Variants in EIF2S3B observed in about 807,000 individuals in gnomAD.
EIF2S3B encodes the protein eukaryotic translation initiation factor 2 subunit 3B.
In EIF2S3B, 16 loss-of-function variants were observed where a neutral mutation model predicts 26.4. The ratio of observed to expected loss-of-function variants is 0.61; its 90% CI spans 0.41 to 0.92. EIF2S3B has a LOEUF of 0.92. Among genes scored for constraint, EIF2S3B ranks in the 40% least tolerant of loss-of-function variants. The pLI is 0.00. For missense variants in EIF2S3B, 510 were observed against 575.5 expected (o/e 0.89, Z 1.16); for synonymous variants, 183 against 204.4 (o/e 0.90, Z 0.89).
At chr12:10,510,748 C>T (rs1034411722), downstream of EIF2S3B, among the ~76,000 whole-genome samples, 4 of 152,164 alleles carry the variant, frequency 2.6e-5, no homozygotes, top group African/African-American at 7.2e-5. Context: ...CTGACAGACC[C>T]AAGGCCACTG....
At position 10,506,797 on chromosome 12, in the gene EIF2S3B, G is replaced by A; in HGVS notation, c.895G>A (p.Gly299Ser). Residue 299 changes from glycine to serine, a missense_variant, in exon 1 of 1, where the codon GGT (glycine) becomes AGT (serine). Gly to Ser is a moderately conservative substitution (Grantham distance 56). Transcript: ENST00000538173. ...GGGCCAGGAGACAGAAGTAAGACCT[G>A]GTATTGTTTCCAAAGATAGTGAAGG... Reference protein sequence around the residue: ...KVGQETEVRPGIVSKDSEGKL... With the variant: ...KVGQETEVRPSIVSKDSEGKL... 6.2e-7 allele frequency: 1 copy of A among 1,613,542 alleles called. No individual in the cohort carries two copies. The highest frequency in any genetic ancestry group is 8.5e-7 in the Non-Finnish European group (1 of 1,179,510).
downstream of EIF2S3B, among the ~76,000 whole-genome samples, chr12:10,510,720 T>C (rs1185031936): frequency 6.6e-6 from 1 of 152,286 alleles, no homozygotes. Context: ...GGAAAAATAC[T>C]GTTGAGCCAG....
chr12:10,506,965 G>A lies in EIF2S3B; in HGVS notation c.1063G>A (p.Gly355Arg). 6.2e-7 allele frequency: 1 copy of A among 1,613,804 alleles called. No individual in the cohort carries two copies. Among genetic ancestry groups the A allele is most frequent in the Non-Finnish European group, 8.5e-7 (1 of 1,179,740 alleles). Residue 355 changes from glycine (G) to arginine (R), a missense_variant, in exon 1 of 1, where the codon GGG (glycine) becomes AGG (arginine). Physicochemically the swap from Gly to Arg is moderately radical, Grantham distance 125. Coordinates refer to ENST00000538173, the MANE Select transcript of EIF2S3B (RefSeq NM_001357734.3). ...PTLCRADRMV[G>R]QILGAVGALP... The stretch of plus-strand genomic sequence containing the variant: ...TTTGTGCCGGGCTGACAGAATGGTG[G>A]GGCAAATACTTGGTGCAGTCGGAGC...
At position 10,506,107 on chromosome 12, in the gene EIF2S3B, T is replaced by C. The variant is rs777442912; in HGVS notation, c.205T>C (p.Phe69Leu). Residue 69 changes from phenylalanine (F) to leucine (L), a missense_variant, in exon 1 of 1, where the codon TTC becomes CTC. Transcript: ENST00000538173. ...TATTTCTGGAGTTCACACCGTCAGG[T>C]TCAAAAATGAACTAGAAAGAAATAT... ...KAISGVHTVR[F>L]KNELERNITI... The C allele has an allele frequency of 6.3e-7, 1 of 1,592,430 alleles. No individual in the cohort carries two copies.
Position 10,507,974 on chromosome 12 carries a change from T to G in EIF2S3B, c.*653T>G, listed in dbSNP as rs776832018. Among the ~76,000 whole-genome samples, 1 of 140,536 alleles carries G rather than the reference T, an allele frequency of 7.1e-6. No individual in the cohort carries two copies. The highest frequency in any genetic ancestry group is 3.2e-5 in the African/African-American group (1 of 30,842). 92.2% of individuals were successfully genotyped at this position (140,536 alleles called of 152,430 possible). ...ATCACTGAAACTGTTCGAAATAAAG[T>G]TTTTTTTTGTTTTTCATGATTCGTC... On this transcript the variant is annotated 3_prime_UTR_variant, in exon 1 of 1. Transcript: ENST00000538173.
At chr12:10,520,111 A>C (rs1591637294) in intron 1 of EIF2S3B, among the ~76,000 whole-genome samples, 1 of 149,330 alleles carries the variant, frequency 6.7e-6, no homozygotes, top group South Asian at 2.1e-4. Context: ...GAACCAACCC[A>C]AATGTCCAAC....
At chr12:10,519,238 G>A (rs999540948) in intron 1 of EIF2S3B, among the ~76,000 whole-genome samples, 1 of 152,186 alleles carries the variant, frequency 6.6e-6, no homozygotes, top group African/African-American at 2.4e-5. Context: ...TGACAAACCT[G>A]AGAAAATCAA....
downstream of EIF2S3B, among the ~76,000 whole-genome samples, chr12:10,512,728 C>T (rs1044497346): frequency 1.3e-5 from 2 of 152,050 alleles, no homozygotes; most frequent in Non-Finnish European, 2.9e-5. Flanking sequence ...CCTAAAGAAT[C>T]ATCATCTCTA....
At chr12:10,515,201 A>C (rs1864742975) in intron 1 of EIF2S3B, among the ~76,000 whole-genome samples, 1 of 151,960 alleles carries the variant, frequency 6.6e-6, no homozygotes, top group Admixed American at 6.6e-5. Flanking sequence ...ATCAATTATG[A>C]TCTACAGGGA....
downstream of EIF2S3B, among the ~76,000 whole-genome samples, chr12:10,511,080 T>C (rs1041938103): frequency 2.0e-5 from 3 of 152,064 alleles, no homozygotes; most frequent in Admixed American, 1.3e-4. Flanking sequence ...TTTATTGAAA[T>C]GGTGCAGAAG....
In EIF2S3B at chr12:10,507,570, A is replaced by G; in HGVS notation, c.*249A>G. The G allele has an allele frequency of 1.7e-6, 1 of 585,260 alleles. No homozygotes were observed. Among genetic ancestry groups the G allele is most frequent in the South Asian group, 2.2e-5 (1 of 44,636 alleles). 36.3% of individuals were successfully genotyped at this position (585,260 alleles called of 1,614,324 possible). A position where few individuals can be genotyped will look rare whatever the true frequency, so the allele number is the denominator to read the frequency against. On this transcript the variant is annotated 3_prime_UTR_variant, in exon 1 of 1. Transcript: ENST00000538173. The stretch of plus-strand genomic sequence containing the variant: ...GGCAGAAGTTAAGCATTCCCACATA[A>G]TGTCAAAATTATACATTATGCAGTT...
intron 1 of EIF2S3B, among the ~76,000 whole-genome samples, chr12:10,519,094 C>T (rs1352952935): frequency 2.0e-5 from 3 of 151,576 alleles, no homozygotes; most frequent in African/African-American, 7.3e-5. Context: ...CATCACGCTA[C>T]CTGACTTCAA....
downstream of EIF2S3B, among the ~76,000 whole-genome samples, chr12:10,511,783 C>T (rs1040888212): frequency 1.7e-4 from 26 of 152,084 alleles, no homozygotes; most frequent in African/African-American, 2.4e-5. Context: ...GCTTATACAG[C>T]TACTTCTAAT....
intron 1 of EIF2S3B, chr12:10,522,590 C>G: frequency 1.5e-6 from 1 of 675,082 alleles, no homozygotes; most frequent in Non-Finnish European, 2.7e-6. Flanking sequence ...ACATCCATTG[C>G]ATTCTCTTCC....
chr12:10,514,466 T>C (rs1321214737), intron 1 of EIF2S3B, among the ~76,000 whole-genome samples: 1 of 152,158 alleles, frequency 6.6e-6, no homozygotes, highest in Non-Finnish European at 1.5e-5. Flanking sequence ...TCTCTCTTGA[T>C]CTCAGACATT....
downstream of EIF2S3B, among the ~76,000 whole-genome samples, chr12:10,512,700 TATC>T (rs1864717319): frequency 2.6e-5 from 4 of 152,134 alleles, no homozygotes; most frequent in South Asian, 8.3e-4. Flanking sequence ...CTAGTGTGGA[TATC>T]ACCCCCTGTT....
chr12:10,514,964 A>C (rs538533184), intron 1 of EIF2S3B, among the ~76,000 whole-genome samples: 78 of 152,166 alleles, frequency 5.1e-4, no homozygotes, highest in African/African-American at 1.9e-3. Flanking sequence ...AAATCATCTA[A>C]TCGTTTTCTT....
intron 1 of EIF2S3B, among the ~76,000 whole-genome samples, chr12:10,521,470 T>C (rs1864832128): frequency 6.6e-6 from 1 of 152,160 alleles, no homozygotes; most frequent in South Asian, 2.1e-4. Context: ...TAGCTAGTGA[T>C]AGTCTTTAGT....
chr12:10,508,812 A>AT (rs1864675323), downstream of EIF2S3B, among the ~76,000 whole-genome samples: 1 of 152,062 alleles, frequency 6.6e-6, no homozygotes, highest in South Asian at 2.1e-4. Flanking sequence ...TAGAAAAAAA[A>AT]TTCTTCATAT....
Sources: gnomAD v4.1 joint callset for allele counts (sites outside exome capture counted in the v4.1 genomes callset) on GRCh38, gnomAD v4.1.1 for gene constraint, MANE v1.5 for transcripts, NCBI Gene and HGNC (gene_info 2026-07-23, HGNC 2026-07-21) for gene names.